CACNA2D3: variants seen among roughly 807,000 people sequenced by gnomAD.
The protein encoded by CACNA2D3 is calcium voltage-gated channel auxiliary subunit alpha2delta 3, also known as voltage-dependent calcium channel subunit alpha-2/delta-3.
A neutral mutation model predicts 160.6 loss-of-function variants in CACNA2D3; 60 were observed. That is an observed-to-expected ratio of 0.37 (90% CI 0.30 to 0.46). The LOEUF is 0.46. Ranked by LOEUF, CACNA2D3 falls within the 20% of genes least tolerant of loss-of-function variation. The probability of loss-of-function intolerance (pLI) is 1.00; values close to 1 mark genes in which losing one functional copy is unlikely to be tolerated. For missense variants in CACNA2D3, 1,205 were observed against 1,365.0 expected (o/e 0.88, Z 1.85); for synonymous variants, 558 against 492.9 (o/e 1.13, Z -1.75).
At chr3:54,721,776 A>G (rs1469752961) in intron 11 of CACNA2D3, among the ~76,000 whole-genome samples, 6 of 151,558 alleles carry the variant, frequency 4.0e-5, no homozygotes, top group African/African-American at 1.2e-4. Context: ...AAAAAAAAAA[A>G]AAAGAAAAGA....
chr3:54,342,454 G>A (rs1698375036), intron 3 of CACNA2D3, among the ~76,000 whole-genome samples: 2 of 152,178 alleles, frequency 1.3e-5, no homozygotes, highest in African/African-American at 4.8e-5. Flanking sequence ...TGTGCATGGA[G>A]AGGGCATGTG....
intron 11 of CACNA2D3, among the ~76,000 whole-genome samples, chr3:54,696,042 G>T (rs1458728337): frequency 6.6e-6 from 1 of 152,142 alleles, no homozygotes; most frequent in East Asian, 1.9e-4. Context: ...CCCCCAGTGT[G>T]GTCCTAGAGA....
At chr3:54,353,357 C>T (rs1480640111) in intron 3 of CACNA2D3, among the ~76,000 whole-genome samples, 2 of 152,170 alleles carry the variant, frequency 1.3e-5, no homozygotes, top group African/African-American at 4.8e-5. Flanking sequence ...AGTGTGGAAT[C>T]TCTGAGCCGG....
chr3:54,959,506 A>G (rs1344906595), intron 27 of CACNA2D3, among the ~76,000 whole-genome samples: 1 of 129,166 alleles, frequency 7.7e-6, no homozygotes, highest in East Asian at 2.7e-4. Context: ...TGGCAACTAT[A>G]TGTGGCTGTT....
At chr3:54,570,140 G>C in intron 8 of CACNA2D3, 36 bp downstream of exon 8, 1 of 1,601,234 alleles carries the variant, frequency 6.2e-7, no homozygotes, top group South Asian at 1.1e-5. Flanking sequence ...TTGCACTTGG[G>C]TTCATTTGAT....
chr3:54,767,645 A>T lies in CACNA2D3; in HGVS notation c.1380+3294A>T, dbSNP rs149082332. On this transcript the variant is annotated intron_variant, in intron 13 of 37. Coordinates refer to ENST00000474759, the MANE Select transcript of CACNA2D3 (RefSeq NM_018398.3). The stretch of plus-strand genomic sequence containing the variant: ...CCAGGGACCCTTAGAGTAATTGCTT[A>T]TTCCAGGGCTGCAGCAGAGAAGGTA... 2.1e-3 allele frequency among the ~76,000 whole-genome samples: 317 copies of T among 152,248 alleles called. 1 individual carries two copies. Among genetic ancestry groups the T allele is most frequent in the African/African-American group, 7.1e-3 (297 of 41,546 alleles).
At chr3:54,190,457 C>G (rs897085735) in intron 2 of CACNA2D3, among the ~76,000 whole-genome samples, 4 of 152,214 alleles carry the variant, frequency 2.6e-5, no homozygotes, top group Non-Finnish European at 5.9e-5. Flanking sequence ...TGGTGTCTCA[C>G]CCTGCCACCA....
At chr3:54,216,590 G>A (rs1701467491) in intron 2 of CACNA2D3, among the ~76,000 whole-genome samples, 1 of 152,210 alleles carries the variant, frequency 6.6e-6, no homozygotes, top group Non-Finnish European at 1.5e-5. Flanking sequence ...TGAGGAAAAA[G>A]CATTTCACAG....
intron 16 of CACNA2D3, among the ~76,000 whole-genome samples, chr3:54,840,693 G>A (rs1698799747): frequency 6.8e-6 from 1 of 147,710 alleles, no homozygotes; most frequent in Admixed American, 6.8e-5. Flanking sequence ...ACAGGCGTGA[G>A]CCACTGCACC....
chr3:54,284,791 A>C (rs1575367630), intron 2 of CACNA2D3, among the ~76,000 whole-genome samples: 1 of 152,358 alleles, frequency 6.6e-6, no homozygotes, highest in African/African-American at 2.4e-5. Context: ...TACAAGAATA[A>C]AAGATGTTCT....
At chr3:54,342,255 G>A (rs907753295) in intron 3 of CACNA2D3, among the ~76,000 whole-genome samples, 80 of 152,180 alleles carry the variant, frequency 5.3e-4, no homozygotes, top group Admixed American at 4.9e-3. Context: ...ATTGGACCAT[G>A]ATTGCATGTA....
intron 2 of CACNA2D3, among the ~76,000 whole-genome samples, chr3:54,279,015 C>T (rs1168636466): frequency 6.6e-6 from 1 of 152,200 alleles, no homozygotes; most frequent in East Asian, 1.9e-4. Context: ...AGCCCAGCTA[C>T]AGAGCAGACA....
At chr3:54,145,681 T>C (rs1397262262) in intron 2 of CACNA2D3, among the ~76,000 whole-genome samples, 1 of 152,328 alleles carries the variant, frequency 6.6e-6, no homozygotes, top group East Asian at 1.9e-4. Flanking sequence ...CAGCACCCAG[T>C]GCAGGGCGCA....
rs148476394 is a variant in CACNA2D3 at position 54,967,432 on chromosome 3, A to G, written c.2450-1018A>G. On this transcript the variant is annotated intron_variant, in intron 27 of 37. Coordinates refer to ENST00000474759, the MANE Select transcript of CACNA2D3 (RefSeq NM_018398.3). ...TTCTTTTGATGGGTGTTCCAGTTTT[A>G]TTTAGGTTGAATTACTGTAGGTCTT... is the stretch of plus-strand genomic sequence containing the variant. Among the ~76,000 whole-genome samples the G allele has an allele frequency of 5.7e-3, 874 of 152,080 alleles. 6 individuals are homozygous for G. Among genetic ancestry groups the G allele is most frequent in the Middle Eastern group, 0.014 (4 of 294 alleles).
chr3:55,072,192 A>G (rs358072), intron 35 of CACNA2D3, among the ~76,000 whole-genome samples: 111,296 of 152,120 alleles, frequency 0.73, 40,965 homozygotes, highest in Non-Finnish European at 0.77. Context: ...CCCAGTGTGG[A>G]TAGTGGTTAA....
In CACNA2D3 at chr3:55,074,438, G is replaced by C. The variant is rs759734327; in HGVS notation, c.*232G>C. On this transcript the variant is annotated 3_prime_UTR_variant, in exon 38 of 38. Coordinates refer to ENST00000474759, the MANE Select transcript of CACNA2D3 (RefSeq NM_018398.3). ...TCATGCAAATGTGAGTTTGCCACAT[G>C]ATAATCACCCTTCATCAGAAATGGG... is the stretch of plus-strand genomic sequence containing the variant. 2.2e-5 allele frequency: 12 copies of C among 535,382 alleles called. No homozygotes were observed. The highest frequency in any genetic ancestry group is 3.7e-5 in the Non-Finnish European group (11 of 299,232). 33.2% of individuals were successfully genotyped at this position (535,382 alleles called of 1,614,324 possible). A position where few individuals can be genotyped will look rare whatever the true frequency, so the allele number is the denominator to read the frequency against.
At chr3:54,360,273 C>T (rs1698719393) in intron 3 of CACNA2D3, among the ~76,000 whole-genome samples, 1 of 152,130 alleles carries the variant, frequency 6.6e-6, no homozygotes, top group Admixed American at 6.5e-5. Context: ...TCGGTCAGGC[C>T]AGAGTAAGAG....
chr3:54,362,127 A>G (rs1559460893), intron 3 of CACNA2D3, among the ~76,000 whole-genome samples: 2 of 152,222 alleles, frequency 1.3e-5, no homozygotes, highest in African/African-American at 4.8e-5. Context: ...AGATGATGCC[A>G]GTTTATTGTC....
intron 3 of CACNA2D3, among the ~76,000 whole-genome samples, chr3:54,339,624 T>C (rs1329604713): frequency 6.6e-6 from 1 of 152,238 alleles, no homozygotes; most frequent in Admixed American, 6.5e-5. Flanking sequence ...AGGAAGTTCA[T>C]GGAATGAGTG....
Sources: allele counts gnomAD v4.1 joint callset (sites outside exome capture counted in the v4.1 genomes callset), GRCh38; gene constraint gnomAD v4.1.1; transcripts MANE v1.5; gene names NCBI Gene and HGNC (gene_info 2026-07-23, HGNC 2026-07-21).